The following DCDC2 variants were observed in gnomAD, a reference collection of about 807,000 sequenced individuals.
The protein encoded by DCDC2 is doublecortin domain-containing protein 2.
Under a neutral mutation model 50.2 loss-of-function variants are expected in DCDC2, and 40 were observed. That is an observed-to-expected ratio of 0.80 (90% CI 0.62 to 1.04). The LOEUF (loss-of-function observed/expected upper bound fraction) is 1.04. Among genes scored for constraint, DCDC2 ranks in the 50% least tolerant of loss-of-function variants. DCDC2 has a pLI of 0.00. For missense variants in DCDC2, 570 were observed against 581.9 expected, an observed-to-expected ratio of 0.98 and a Z score of 0.21; for synonymous variants, 234 against 210.6, an observed-to-expected ratio of 1.11 and a Z score of -0.96.
chr6:24,207,267 T>G, intron 7 of DCDC2, among the ~76,000 whole-genome samples: 1 of 150,512 alleles, frequency 6.6e-6, no homozygotes, highest in African/African-American at 2.5e-5. Flanking sequence ...TCTCTCTCTC[T>G]CTCTCTCTCT....
intron 8 of DCDC2, among the ~76,000 whole-genome samples, chr6:24,180,668 T>A (rs933853541): frequency 6.6e-6 from 1 of 152,074 alleles, no homozygotes; most frequent in African/African-American, 2.4e-5. Context: ...CTACCTGACA[T>A]TGGACAGGTC....
At chr6:24,305,029 G>A (rs973419195) in intron 2 of DCDC2, among the ~76,000 whole-genome samples, 6 of 152,028 alleles carry the variant, frequency 3.9e-5, no homozygotes, top group Admixed American at 6.6e-5. Context: ...AATCTTGTTG[G>A]GTTATTGAAT....
At chr6:24,235,897 A>C (rs1762431878) in intron 7 of DCDC2, among the ~76,000 whole-genome samples, 1 of 152,198 alleles carries the variant, frequency 6.6e-6, no homozygotes, top group Non-Finnish European at 1.5e-5. Context: ...AATACATATA[A>C]CCAAGAAGGT....
At chr6:24,205,610 A>G (rs1298727967) in intron 7 of DCDC2, among the ~76,000 whole-genome samples, 1 of 152,066 alleles carries the variant, frequency 6.6e-6, no homozygotes, top group Non-Finnish European at 1.5e-5. Context: ...TTGACTTTCC[A>G]TATCTCACCA....
At chr6:24,336,848 T>A (rs571573004) in intron 2 of DCDC2, among the ~76,000 whole-genome samples, 1 of 152,322 alleles carries the variant, frequency 6.6e-6, no homozygotes, top group Admixed American at 6.5e-5. Context: ...TTCCATTTAC[T>A]GAATTCTAAA....
At chr6:24,285,647 A>G (rs1424672680) in intron 6 of DCDC2, among the ~76,000 whole-genome samples, 3 of 152,230 alleles carry the variant, frequency 2.0e-5, no homozygotes, top group African/African-American at 7.2e-5. Flanking sequence ...AGTCTAAAAA[A>G]CTTACAAATG....
Position 24,264,834 on chromosome 6 carries a change from TAAAA to T in DCDC2, c.922+13211_922+13214del, listed in dbSNP as rs533997010. Among the ~76,000 whole-genome samples, 8 of 143,712 alleles carry T rather than the reference TAAAA, an allele frequency of 5.6e-5. No homozygotes were observed. The East Asian group carries it at 1.6e-3, about 29-fold the overall frequency. 94.3% of individuals were successfully genotyped at this position (143,712 alleles called of 152,430 possible). On this transcript the variant is annotated intron_variant, in intron 7 of 9. Coordinates refer to ENST00000378454, the MANE Select transcript of DCDC2 (RefSeq NM_016356.5). ...ATAGACAAAGAGTGGCCGAATGGAT[TAAAA>T]AAAAAAAGAGACCTGACAATCTGTT...
chr6:24,322,669 A>G lies in DCDC2; in HGVS notation c.349-20625T>C, dbSNP rs964663327. Among the ~76,000 whole-genome samples the G allele has an allele frequency of 2.0e-5, 3 of 152,248 alleles. No individual in the cohort carries two copies. In the East Asian group the frequency reaches 5.8e-4, roughly 29 times the overall value. ...GTCTTTAACCGGAACATTCTTTTCT[A>G]TTGATCCCAGGTCTTTGGACAAACT... On this transcript the variant is annotated intron_variant, in intron 2 of 9. Coordinates refer to ENST00000378454, the MANE Select transcript of DCDC2 (RefSeq NM_016356.5).
intron 7 of DCDC2, among the ~76,000 whole-genome samples, chr6:24,263,902 A>T (rs1763063131): frequency 6.6e-6 from 1 of 152,208 alleles, no homozygotes; most frequent in African/African-American, 2.4e-5. Context: ...CACCAAGCAG[A>T]TTTAACCCAA....
chr6:24,242,893 C>T (rs1261869338), intron 7 of DCDC2, among the ~76,000 whole-genome samples: 1 of 151,642 alleles, frequency 6.6e-6, no homozygotes, highest in African/African-American at 2.4e-5. Context: ...AACCAAGAGG[C>T]ACAAGTTGCA....
intron 6 of DCDC2, among the ~76,000 whole-genome samples, chr6:24,281,487 GAAAAAAAAAAA>G (rs59842458): frequency 2.4e-5 from 2 of 83,734 alleles, no homozygotes; most frequent in South Asian, 4.7e-4. Flanking sequence ...ATGCTTTTAA[GAAAAAAAAAAA>G]AAAAAAAAAA....
chr6:24,242,326 T>TTGGGC (rs1247664183), intron 7 of DCDC2, among the ~76,000 whole-genome samples: 1 of 152,146 alleles, frequency 6.6e-6, no homozygotes, highest in Non-Finnish European at 1.5e-5. Flanking sequence ...GATAGCCTCG[T>TTGGGC]GTTATTTCAG....
At chr6:24,179,771 G>T (rs537984925) in intron 8 of DCDC2, among the ~76,000 whole-genome samples, 7 of 150,096 alleles carry the variant, frequency 4.7e-5, no homozygotes, top group Admixed American at 6.6e-5. Flanking sequence ...TGGCTAACAC[G>T]GTGAAACCCC....
At chr6:24,328,574 T>A in intron 2 of DCDC2, among the ~76,000 whole-genome samples, 1 of 152,022 alleles carries the variant, frequency 6.6e-6, no homozygotes, top group East Asian at 1.9e-4. Context: ...GCCCCAGAGG[T>A]ATATTGATCA....
intron 2 of DCDC2, among the ~76,000 whole-genome samples, 185 bp from the exon 3 acceptor site, chr6:24,302,229 C>A (rs966365085): frequency 1.4e-5 from 2 of 143,002 alleles, no homozygotes; most frequent in African/African-American, 2.6e-5. Context: ...AAGCCCTTAA[C>A]AAAGCTCTCA....
chr6:24,217,644 GA>G (rs1762011244), intron 7 of DCDC2, among the ~76,000 whole-genome samples: 1 of 152,192 alleles, frequency 6.6e-6, no homozygotes, highest in Non-Finnish European at 1.5e-5. Flanking sequence ...AAATCTGAGT[GA>G]GGGTGTTTTC....
intron 2 of DCDC2, among the ~76,000 whole-genome samples, chr6:24,320,199 T>C (rs1759746552): frequency 6.6e-6 from 1 of 152,134 alleles, no homozygotes; most frequent in East Asian, 1.9e-4. Context: ...ATGATGAGAG[T>C]AGGGTTTCCT....
intron 7 of DCDC2, among the ~76,000 whole-genome samples, chr6:24,248,268 A>G (rs1205878828): frequency 2.0e-5 from 3 of 152,158 alleles, no homozygotes; most frequent in Non-Finnish European, 2.9e-5. Flanking sequence ...ACAGGACACC[A>G]TACGGTGCAG....
At chr6:24,320,462 G>A (rs989860758) in intron 2 of DCDC2, among the ~76,000 whole-genome samples, 1 of 152,142 alleles carries the variant, frequency 6.6e-6, no homozygotes, top group African/African-American at 2.4e-5. Flanking sequence ...TTCCCAAGTA[G>A]CTGGGATTAC....
Sources: allele counts gnomAD v4.1 joint callset (sites outside exome capture counted in the v4.1 genomes callset), GRCh38; gene constraint gnomAD v4.1.1; transcripts MANE v1.5; gene names NCBI Gene and HGNC (gene_info 2026-07-23, HGNC 2026-07-21).